SNED1: variants seen among roughly 807,000 people sequenced by gnomAD.
SNED1 encodes the protein sushi, nidogen and EGF like domains 1, also known as sushi, nidogen and EGF-like domain-containing protein 1.
SNED1 carries 81 observed loss-of-function variants against 166.7 expected under a neutral mutation model. That is an observed-to-expected ratio of 0.49 (90% CI 0.41 to 0.58). The LOEUF (loss-of-function observed/expected upper bound fraction) is 0.58. Among genes scored for constraint, SNED1 ranks in the 20% least tolerant of loss-of-function variants. SNED1 has a pLI of 0.00. For synonymous variants in SNED1, 762 were observed against 822.0 expected (o/e 0.93, Z 1.25); for missense variants, 1,604 against 2,000.2 (o/e 0.80, Z 3.78).
At chr2:241,065,204 A>T in intron 20 of SNED1, 95 bp from the exon 21 acceptor site, 1 of 1,323,894 alleles carries the variant, frequency 7.6e-7, no homozygotes, top group Non-Finnish European at 1.0e-6. Context: ...TGTCAGGCCC[A>T]AGAGCCAGAC....
In SNED1 at chr2:241,051,411, C is replaced by T. The variant is rs1340616045; in HGVS notation, c.1736-333C>T. The T allele has an allele frequency of 5.4e-5, 14 of 259,318 alleles. No homozygotes were observed. The highest frequency in any genetic ancestry group is 2.2e-5 in the Non-Finnish European group (3 of 137,524). The allele number at this position is 259,318 out of a possible 1,614,324, so 16.1% of individuals were successfully genotyped here. ...TGCTTCCTGTCAGATGGGGAATGCCCGTGTGCAGGAGGGAGGGAGTGCTGC... is the reference window on the plus strand; with the variant it reads ...TGCTTCCTGTCAGATGGGGAATGCCTGTGTGCAGGAGGGAGGGAGTGCTGC... On this transcript the variant is annotated intron_variant, in intron 12 of 31. Transcript: ENST00000310397. The surrounding 1 kb of genome is among the most constrained non-coding windows in gnomAD (Gnocchi z 4.7).
intron 1 of SNED1, among the ~76,000 whole-genome samples, chr2:241,021,808 T>G (rs1259903946): frequency 6.6e-6 from 1 of 152,242 alleles, no homozygotes; most frequent in Non-Finnish European, 1.5e-5. Context: ...GAATTGCTGG[T>G]GTGTATATTA....
At chr2:241,030,261 C>A in intron 1 of SNED1, 23 bp from the exon 2 acceptor site, 5 of 1,540,890 alleles carry the variant, frequency 3.2e-6, no homozygotes, top group South Asian at 1.2e-5. Flanking sequence ...AGTCAATCCC[C>A]GCTCTGGCTT....
chr2:241,054,156 T>G lies in SNED1; in HGVS notation c.2257+830T>G, dbSNP rs1406241625. On this transcript the variant is annotated intron_variant, in intron 16 of 31. Coordinates refer to ENST00000310397, the MANE Select transcript of SNED1 (RefSeq NM_001080437.3). ...TTCAAGCCCCAGGTGAGCTCCTGAC[T>G]GTCTTGGAGATGACCCCCCCTCCCA... Among the ~76,000 whole-genome samples, 2 of 152,116 alleles carry G rather than the reference T, an allele frequency of 1.3e-5. 1 individual carries two copies. The highest frequency in any genetic ancestry group is 1.3e-4 in the Admixed American group (2 of 15,270).
rs953517828 is a variant in SNED1 at position 241,091,474 on chromosome 2, C to T, written c.*2-164C>T. On this transcript the variant is annotated intron_variant, in intron 31 of 31. Transcript: ENST00000310397. This position sits in a 1 kb window ranked among gnomAD's most constrained non-coding sequence, Gnocchi z 4.1. ...TGCTCTAAGAACGCGGGGTCCTCCC[C>T]GTGTGCACTGCCATATGGTAGAATC... is the stretch of plus-strand genomic sequence containing the variant. 6.6e-6 allele frequency among the ~76,000 whole-genome samples: 1 copy of T among 152,312 alleles called. No homozygotes were observed. The highest frequency in any genetic ancestry group is 1.9e-4 in the East Asian group (1 of 5,184).
chr2:241,067,102 T>G (rs889858465), intron 21 of SNED1, among the ~76,000 whole-genome samples: 1 of 152,190 alleles, frequency 6.6e-6, no homozygotes, highest in African/African-American at 2.4e-5. Flanking sequence ...GGAAGGTATC[T>G]GGAGTGAAGA....
At position 241,049,842 on chromosome 2, in the gene SNED1, C is replaced by A. The variant is rs1287529121; in HGVS notation, c.1644C>A (p.Asp548Glu). 1.2e-6 allele frequency: 2 copies of A among 1,613,824 alleles called. No individual in the cohort carries two copies. Among genetic ancestry groups the A allele is most frequent in the East Asian group, 2.2e-5 (1 of 44,886 alleles). ...CCCTGCCATCACCCTGCGACTCGGA[C>A]CCCTGCTTCAACGGAGGCTCCTGCG... ...SHSLPSPCDS[D>E]PCFNGGSCDA... The change falls in exon 12 of 32, where the codon GAC becomes GAA. Residue 548 changes from aspartate (D) to glutamate (E), a missense_variant. Around this residue, in one of 2 missense-constraint regions of SNED1, gnomAD observed 1,237 missense variants for 1,620.8 expected, o/e 0.76. Coordinates refer to ENST00000310397, the MANE Select transcript of SNED1 (RefSeq NM_001080437.3).
At chr2:241,008,734 C>T (rs964181030) in intron 1 of SNED1, among the ~76,000 whole-genome samples, 22 of 152,230 alleles carry the variant, frequency 1.4e-4, no homozygotes, top group South Asian at 2.1e-4. Flanking sequence ...GCCCTGCTCC[C>T]GTGGTGCCCG....
Position 241,064,917 on chromosome 2 carries a change from C to T in SNED1, c.2673C>T (p.Cys891=), listed in dbSNP as rs375288628. Residue 891 remains cysteine, a synonymous_variant, in exon 20 of 32, where the codon TGC becomes TGT. Transcript: ENST00000310397. The surrounding 1 kb of genome is among the most constrained non-coding windows in gnomAD (Gnocchi z 7.0). The part of the protein sequence containing the change: ...YCLASNGSHS[C]TCKVGYTGED... ...TGGCCAGCAACGGCTCCCACAGCTG[C>T]ACCTGCAAAGTGGGCTACACGGGCG... The T allele has an allele frequency of 1.9e-6, 3 of 1,586,868 alleles. No homozygotes were observed. The highest frequency in any genetic ancestry group is 2.6e-6 in the Non-Finnish European group (3 of 1,171,770).
intron 31 of SNED1, among the ~76,000 whole-genome samples, chr2:241,090,982 T>C (rs1354184881): frequency 6.6e-6 from 1 of 152,154 alleles, no homozygotes; most frequent in Non-Finnish European, 1.5e-5. Context: ...AGTGCCTAAC[T>C]GTACTAGGAT....
Position 241,051,867 on chromosome 2 carries a change from C to A in SNED1, c.1852+7C>A, listed in dbSNP as rs1439979689. 5.9e-6 allele frequency: 9 copies of A among 1,531,172 alleles called. No homozygotes were observed. The highest frequency in any genetic ancestry group is 6.2e-6 in the Non-Finnish European group (7 of 1,135,418). 94.8% of individuals were successfully genotyped at this position (1,531,172 alleles called of 1,614,324 possible). A position where few individuals can be genotyped will look rare whatever the true frequency, so the allele number is the denominator to read the frequency against. On this transcript the variant is annotated splice_region_variant and intron_variant, in intron 13 of 31. Coordinates refer to ENST00000310397, the MANE Select transcript of SNED1 (RefSeq NM_001080437.3). The surrounding 1 kb of genome is among the most constrained non-coding windows in gnomAD (Gnocchi z 4.7). Reference sequence around the variant, plus strand: ...GGGAGGCACTGTGAGATCGGTGCGGCCCCCAGGGGCAGGGGGGAGGGCAGG... The same window carrying A: ...GGGAGGCACTGTGAGATCGGTGCGGACCCCAGGGGCAGGGGGGAGGGCAGG...
rs907109682 is a variant in SNED1 at position 241,065,590 on chromosome 2, G to T, written c.3005G>T (p.Arg1002Leu). The T allele has an allele frequency of 6.2e-7, 1 of 1,610,996 alleles. No homozygotes were observed. Among genetic ancestry groups the T allele is most frequent in the Non-Finnish European group, 8.5e-7 (1 of 1,179,294 alleles). Residue 1002 changes from arginine (R) to leucine (L), a missense_variant, in exon 21 of 32, where the codon CGC becomes CTC. This residue lies in a region of SNED1 where 1,237 missense variants were observed against 1,620.8 expected (regional missense o/e 0.76). Coordinates refer to ENST00000310397, the MANE Select transcript of SNED1 (RefSeq NM_001080437.3). ...DISRPAVLLA[R>L]TRPRPVEGFE... Reference sequence around the variant, plus strand: ...AGCAGGCCTGCCGTGCTGCTGGCCCGCACGCGTGAGTGTCCCCGAGCCTGG... The same window carrying T: ...AGCAGGCCTGCCGTGCTGCTGGCCCTCACGCGTGAGTGTCCCCGAGCCTGG...
intron 29 of SNED1, among the ~76,000 whole-genome samples, chr2:241,085,529 G>A (rs2063530934): frequency 2.0e-5 from 3 of 151,968 alleles, no homozygotes; most frequent in South Asian, 2.1e-4. Context: ...GATATTTTAA[G>A]GTCCTCATCT....
chr2:241,001,308 C>G (rs749839224), intron 1 of SNED1, among the ~76,000 whole-genome samples: 2 of 152,260 alleles, frequency 1.3e-5, no homozygotes, highest in Non-Finnish European at 2.9e-5. Context: ...TAGAAGTGCT[C>G]TTGCATGAGA....
At position 241,039,039 on chromosome 2, in the gene SNED1, C is replaced by T. The variant is rs183331803; in HGVS notation, c.1046-1036C>T. 1.2e-3 allele frequency among the ~76,000 whole-genome samples: 186 copies of T among 152,292 alleles called. 1 individual carries two copies. Among genetic ancestry groups the T allele is most frequent in the African/African-American group, 4.4e-3 (182 of 41,548 alleles). On this transcript the variant is annotated intron_variant, in intron 6 of 31. Transcript: ENST00000310397. Reference sequence around the variant, plus strand: ...AGCATGTCAGTTGTACGTGTGGCCTCGGACCGTGAGCCTTCACTTTCTCAG... The same window carrying T: ...AGCATGTCAGTTGTACGTGTGGCCTTGGACCGTGAGCCTTCACTTTCTCAG...
At chr2:241,017,178 A>G (rs1251580491) in intron 1 of SNED1, among the ~76,000 whole-genome samples, 1 of 152,122 alleles carries the variant, frequency 6.6e-6, no homozygotes, top group Non-Finnish European at 1.5e-5. Flanking sequence ...AACATTTTTC[A>G]TTTTATATAA....
intron 24 of SNED1, among the ~76,000 whole-genome samples, chr2:241,070,861 G>C (rs1308733934): frequency 6.6e-6 from 1 of 152,212 alleles, no homozygotes; most frequent in African/African-American, 2.4e-5. Context: ...AGGCCACGGC[G>C]GGACAGAGCA....
rs958912510 is a variant in SNED1, at chr2:241,069,632, G to A, written c.3308-288G>A. Among the ~76,000 whole-genome samples, 2 of 152,198 alleles carry A rather than the reference G, an allele frequency of 1.3e-5. No homozygotes were observed. Among genetic ancestry groups the A allele is most frequent in the Non-Finnish European group, 1.5e-5 (1 of 68,030 alleles). Reference sequence around the variant, plus strand: ...CCACGCAGCCAGGCTCAGGGGAACCGACTGTGCCGCAGGGAGGGCGCCAGC... The same window carrying A: ...CCACGCAGCCAGGCTCAGGGGAACCAACTGTGCCGCAGGGAGGGCGCCAGC... On this transcript the variant is annotated intron_variant, in intron 23 of 31. Coordinates refer to ENST00000310397, the MANE Select transcript of SNED1 (RefSeq NM_001080437.3). The surrounding 1 kb of genome is among the most constrained non-coding windows in gnomAD (Gnocchi z 4.9).
intron 20 of SNED1, 31 bp from the exon 21 acceptor site, chr2:241,065,268 C>T (rs2062392240): frequency 6.2e-7 from 1 of 1,610,208 alleles, no homozygotes; most frequent in Admixed American, 1.7e-5. Context: ...CTGACCAGTC[C>T]CCTCCCCTTG....
Sources: allele counts gnomAD v4.1 joint callset (sites outside exome capture counted in the v4.1 genomes callset), GRCh38; gene constraint gnomAD v4.1.1; regional missense constraint gnomAD v4.1.1; non-coding constraint Gnocchi (gnomAD v3.1); transcripts MANE v1.5; gene names NCBI Gene and HGNC (gene_info 2026-07-23, HGNC 2026-07-21).